PKNOX1: variants seen among roughly 807,000 people sequenced by gnomAD.
PKNOX1 encodes PBX/knotted 1 homeobox 1.
PKNOX1 carries 15 observed loss-of-function variants against 51.9 expected under a neutral mutation model. The ratio of observed to expected loss-of-function variants is 0.29; its 90% confidence interval spans 0.19 to 0.45. The LOEUF (loss-of-function observed/expected upper bound fraction) is 0.45, where lower values mean the gene tolerates loss of function less well. Among genes scored for constraint, PKNOX1 ranks in the 20% least tolerant of loss-of-function variants. PKNOX1 has a pLI of 1.00. For synonymous variants in PKNOX1, 219 were observed against 211.1 expected (o/e 1.04, Z -0.32); for missense variants, 462 against 547.5 (o/e 0.84, Z 1.56).
intron 2 of PKNOX1, among the ~76,000 whole-genome samples, chr21:43,006,094 AG>A (rs2146264269): frequency 6.6e-6 from 1 of 151,796 alleles, no homozygotes; most frequent in Non-Finnish European, 1.5e-5. Flanking sequence ...GAATCTTTTA[AG>A]GCTTCTTATT....
At chr21:43,013,378 C>G in intron 5 of PKNOX1, 140 bp downstream of exon 5, 1 of 542,822 alleles carries the variant, frequency 1.8e-6, no homozygotes. Context: ...GTCTCTGACC[C>G]CAGCCTGGTT....
chr21:43,024,667 A>G (rs454555), intron 8 of PKNOX1: 479,896 of 564,532 alleles, frequency 0.85, 204,641 homozygotes, highest in African/African-American at 0.89. Flanking sequence ...TGGCCTATGC[A>G]CTAACCAGCC....
chr21:42,987,404 A>AAAAAATATATATATATAT, intron 1 of PKNOX1, among the ~76,000 whole-genome samples: 8 of 41,414 alleles, frequency 1.9e-4, no homozygotes, highest in African/African-American at 3.7e-4. Context: ...AAAAAAAAAA[A>AAAAAATATATATATATAT]ATATATATAT....
intron 1 of PKNOX1, among the ~76,000 whole-genome samples, chr21:42,981,220 G>A (rs965999813): frequency 6.6e-6 from 1 of 152,236 alleles, no homozygotes; most frequent in East Asian, 1.9e-4. Context: ...GAAACTGTTA[G>A]GAGAAGCACT....
intron 1 of PKNOX1, among the ~76,000 whole-genome samples, chr21:42,982,731 C>CAAA (rs10658050): frequency 0.022 from 2,821 of 129,630 alleles, 84 homozygotes; most frequent in African/African-American, 0.054. Flanking sequence ...AACTCCATCT[C>CAAA]AAAAAAAAAA....
In PKNOX1 at chr21:43,009,923, C is replaced by T. The variant is rs183800967; in HGVS notation, c.180-130C>T. The T allele has an allele frequency of 1.1e-4, 52 of 493,402 alleles. 1 individual carries two copies. Among genetic ancestry groups the T allele is most frequent in the East Asian group, 7.6e-4 (24 of 31,538 alleles). 30.6% of individuals were successfully genotyped at this position (493,402 alleles called of 1,614,324 possible). On this transcript the variant is annotated intron_variant, in intron 3 of 10. Coordinates refer to ENST00000291547, the MANE Select transcript of PKNOX1 (RefSeq NM_004571.5). ...AAACCGTTGAATTGCATACTTTCAA[C>T]GGGTGGACCGTGTGGCGTGTGCATT...
intron 3 of PKNOX1, among the ~76,000 whole-genome samples, 157 bp from the exon 4 acceptor site, chr21:43,009,895 TA>T (rs1979171182): frequency 1.3e-5 from 2 of 152,342 alleles, no homozygotes; most frequent in East Asian, 3.9e-4. Context: ...TGTGCAACTG[TA>T]AAAACCGTTG....
intron 6 of PKNOX1, chr21:43,017,889 C>A: frequency 2.7e-6 from 1 of 368,632 alleles, no homozygotes. Context: ...GCTCATCAAA[C>A]CAGGGATTTT....
intron 1 of PKNOX1, among the ~76,000 whole-genome samples, chr21:42,998,628 A>G (rs974103935): frequency 6.6e-6 from 1 of 152,226 alleles, no homozygotes; most frequent in African/African-American, 2.4e-5. Context: ...GCCATTTCAA[A>G]TAGGAGAAAT....
intron 1 of PKNOX1, among the ~76,000 whole-genome samples, chr21:42,984,279 T>C (rs573795517): frequency 6.6e-6 from 1 of 152,234 alleles, no homozygotes; most frequent in South Asian, 2.1e-4. Context: ...AGCTATATTG[T>C]GTTATGCTTT....
chr21:43,000,439 GGA>G (rs1978700221), intron 1 of PKNOX1, among the ~76,000 whole-genome samples: 1 of 152,218 alleles, frequency 6.6e-6, no homozygotes, highest in South Asian at 2.1e-4. Context: ...GGCAAAGAGA[GGA>G]GAGCATGTAC....
Position 43,033,750 on chromosome 21 carries a change from T to C in PKNOX1, c.*3649T>C, listed in dbSNP as rs1243914835. 2 of 152,226 alleles carry C rather than the reference T, an allele frequency of 1.3e-5. No individual in the cohort carries two copies. The highest frequency in any genetic ancestry group is 4.8e-5 in the African/African-American group (2 of 41,450). 9.4% of individuals were successfully genotyped at this position (152,226 alleles called of 1,614,324 possible). A position where few individuals can be genotyped will look rare whatever the true frequency, so the allele number is the denominator to read the frequency against. On this transcript the variant is annotated 3_prime_UTR_variant, in exon 11 of 11. Coordinates refer to ENST00000291547, the MANE Select transcript of PKNOX1 (RefSeq NM_004571.5). ...ATCGGACTAGTCAGGTCCATTTACATGTCCAAGAATCTTTTCTTAAATTCC... is the reference window on the plus strand; with the variant it reads ...ATCGGACTAGTCAGGTCCATTTACACGTCCAAGAATCTTTTCTTAAATTCC...
chr21:43,003,436 G>A (rs1436065717), intron 1 of PKNOX1, among the ~76,000 whole-genome samples: 1 of 152,168 alleles, frequency 6.6e-6, no homozygotes, highest in Non-Finnish European at 1.5e-5. Flanking sequence ...ATATGAGCAT[G>A]CCCATCTCAG....
chr21:43,000,143 AT>A (rs753063590), intron 1 of PKNOX1, among the ~76,000 whole-genome samples: 3 of 151,762 alleles, frequency 2.0e-5, no homozygotes, highest in African/African-American at 4.8e-5. Context: ...ACTTTCCCAC[AT>A]TTTCCTGTCT....
In PKNOX1 at chr21:42,994,712, C is replaced by T. The variant is rs1351870632; in HGVS notation, c.-56-9614C>T. 3.3e-5 allele frequency among the ~76,000 whole-genome samples: 5 copies of T among 152,050 alleles called. No individual in the cohort carries two copies. In the East Asian group the frequency reaches 7.8e-4, roughly 24 times the overall value. On this transcript the variant is annotated intron_variant, in intron 1 of 10. Coordinates refer to ENST00000291547, the MANE Select transcript of PKNOX1 (RefSeq NM_004571.5). The stretch of plus-strand genomic sequence containing the variant: ...TGGTCATACAACTAAACATTGAGCA[C>T]GTACTTCTCAAAATGGTGATATTTA...
At chr21:42,981,527 CTTATT>C (rs1199411461) in intron 1 of PKNOX1, among the ~76,000 whole-genome samples, 2 of 152,124 alleles carry the variant, frequency 1.3e-5, no homozygotes, top group East Asian at 1.9e-4. Flanking sequence ...GACAGAGCAG[CTTATT>C]TTATTTTATT....
chr21:43,004,564 G>A (rs1322022194), intron 2 of PKNOX1, 132 bp downstream of exon 2: 3 of 627,798 alleles, frequency 4.8e-6, no homozygotes, highest in East Asian at 2.8e-5. Context: ...TGCATTTATT[G>A]TACATTCGTG....
intron 5 of PKNOX1, among the ~76,000 whole-genome samples, chr21:43,016,039 A>C (rs7283934): frequency 0.011 from 1,631 of 152,342 alleles, 30 homozygotes; most frequent in African/African-American, 0.036. Flanking sequence ...CTTTTATTAC[A>C]GCCTAATTAA....
intron 10 of PKNOX1, 76 bp from the exon 11 acceptor site, chr21:43,029,814 C>T (rs1022225357): frequency 8.1e-7 from 1 of 1,239,096 alleles, no homozygotes; most frequent in Non-Finnish European, 1.2e-6. Context: ...AACGAGCAAA[C>T]AGCACCCAAT....
Sources: gnomAD v4.1 joint callset for allele counts (sites outside exome capture counted in the v4.1 genomes callset) on GRCh38, gnomAD v4.1.1 for gene constraint, MANE v1.5 for transcripts, NCBI Gene and HGNC (gene_info 2026-07-23, HGNC 2026-07-21) for gene names.